The following FGD4 variants were observed in gnomAD, a reference collection of about 807,000 sequenced individuals.
FGD4 encodes the protein FYVE, RhoGEF and PH domain containing 4.
Under a neutral mutation model 102.0 loss-of-function variants are expected in FGD4, and 42 were observed. That is an observed-to-expected ratio of 0.41 (90% CI 0.32 to 0.53). FGD4 has a LOEUF of 0.53. FGD4 is among the 20% of genes least tolerant of loss of function. The pLI is 0.21. For missense variants in FGD4, 902 were observed against 1,078.2 expected, an observed-to-expected ratio of 0.84 and a Z score of 2.29; for synonymous variants, 380 against 375.7, an observed-to-expected ratio of 1.01 and a Z score of -0.13.
chr12:32,538,308 T>C (rs548533135), intron 1 of FGD4, among the ~76,000 whole-genome samples: 53 of 152,346 alleles, frequency 3.5e-4, no homozygotes, highest in African/African-American at 1.3e-3. Flanking sequence ...CTGGGTGCTT[T>C]GTTAATATTT....
At chr12:32,605,848 T>C (rs1385959491) in intron 7 of FGD4, among the ~76,000 whole-genome samples, 2 of 152,244 alleles carry the variant, frequency 1.3e-5, no homozygotes, top group Admixed American at 1.3e-4. Flanking sequence ...TTGCTTAGCG[T>C]AGTGCTTGTT....
At chr12:32,567,093 C>T (rs749126184) in intron 2 of FGD4, among the ~76,000 whole-genome samples, 3 of 152,208 alleles carry the variant, frequency 2.0e-5, no homozygotes, top group Non-Finnish European at 4.4e-5. Context: ...GCAACCTTGG[C>T]ACTGGCATTA....
At chr12:32,563,232 T>C (rs1295070526) in intron 1 of FGD4, among the ~76,000 whole-genome samples, 8 of 149,856 alleles carry the variant, frequency 5.3e-5, no homozygotes, top group Admixed American at 5.3e-4. Flanking sequence ...GAGGGGCTCC[T>C]CACTTCTCAG....
At chr12:32,571,392 T>C (rs1478981616) in intron 2 of FGD4, among the ~76,000 whole-genome samples, 2 of 151,830 alleles carry the variant, frequency 1.3e-5, no homozygotes, top group African/African-American at 4.8e-5. Flanking sequence ...AAGGCGGAGG[T>C]TGCAGTGAGC....
chr12:32,435,767 G>T (rs995007638), intron 1 of FGD4, among the ~76,000 whole-genome samples: 2 of 152,110 alleles, frequency 1.3e-5, no homozygotes, highest in Non-Finnish European at 2.9e-5. Flanking sequence ...TACATAAAAT[G>T]GTCCATCTAG....
intron 2 of FGD4, among the ~76,000 whole-genome samples, chr12:32,567,609 T>TA (rs1014175773): frequency 6.4e-4 from 97 of 151,670 alleles, no homozygotes; most frequent in African/African-American, 2.3e-3. Context: ...CTCACCTAGA[T>TA]AAAAATAAGC....
chr12:32,413,689 A>T (rs1941293371), intron 1 of FGD4, among the ~76,000 whole-genome samples: 1 of 152,112 alleles, frequency 6.6e-6, no homozygotes, highest in African/African-American at 2.4e-5. Flanking sequence ...GTCTCCCTAA[A>T]ATGTATAAAA....
intron 4 of FGD4, among the ~76,000 whole-genome samples, chr12:32,586,276 A>G (rs1947023744): frequency 6.6e-6 from 1 of 152,226 alleles, no homozygotes; most frequent in South Asian, 2.1e-4. Context: ...TTAAGTTGCT[A>G]AAAGTTTACA....
At chr12:32,537,029 C>A (rs184162953) in intron 1 of FGD4, among the ~76,000 whole-genome samples, 1 of 152,070 alleles carries the variant, frequency 6.6e-6, no homozygotes, top group African/African-American at 2.4e-5. Flanking sequence ...CTGCCTCAGC[C>A]TCCCGAGTAG....
chr12:32,461,274 T>C (rs1185477505), intron 1 of FGD4, among the ~76,000 whole-genome samples: 1 of 152,244 alleles, frequency 6.6e-6, no homozygotes, highest in Non-Finnish European at 1.5e-5. Context: ...TACAAAATTT[T>C]CTGATTTTTC....
At chr12:32,486,408 T>G (rs1326562474) in intron 1 of FGD4, among the ~76,000 whole-genome samples, 1 of 152,246 alleles carries the variant, frequency 6.6e-6, no homozygotes, top group Non-Finnish European at 1.5e-5. Flanking sequence ...TTTCTCCCTG[T>G]GAGTTCATAG....
intron 1 of FGD4, among the ~76,000 whole-genome samples, chr12:32,486,680 G>A (rs1057228471): frequency 6.6e-6 from 1 of 152,122 alleles, no homozygotes; most frequent in Non-Finnish European, 1.5e-5. Flanking sequence ...TAATTCTCAG[G>A]TTTAAGGATT....
intron 1 of FGD4, among the ~76,000 whole-genome samples, chr12:32,507,618 C>T (rs1938913558): frequency 6.6e-6 from 1 of 152,172 alleles, no homozygotes; most frequent in South Asian, 2.1e-4. Context: ...TTCAAAGTCA[C>T]AGTTTATTGG....
intron 10 of FGD4, among the ~76,000 whole-genome samples, chr12:32,617,364 C>T (rs1344180731): frequency 1.3e-5 from 2 of 152,092 alleles, no homozygotes; most frequent in Admixed American, 6.6e-5. Context: ...GAACACAGAA[C>T]GAGCACTAGA....
chr12:32,630,035 G>A (rs1329546490), intron 14 of FGD4, among the ~76,000 whole-genome samples: 2 of 152,064 alleles, frequency 1.3e-5, no homozygotes, highest in African/African-American at 2.4e-5. Flanking sequence ...CAGCTCTCCC[G>A]TGTCCTCCAG....
intron 1 of FGD4, among the ~76,000 whole-genome samples, chr12:32,445,997 C>T (rs1942600291): frequency 6.6e-6 from 1 of 152,082 alleles, no homozygotes; most frequent in Non-Finnish European, 1.5e-5. Context: ...GAAACCCCGT[C>T]TCTACTAAAA....
chr12:32,525,236 AAG>A (rs991512428), intron 1 of FGD4, among the ~76,000 whole-genome samples: 1 of 152,202 alleles, frequency 6.6e-6, no homozygotes, highest in African/African-American at 2.4e-5. Context: ...AAGGAGGGCA[AAG>A]AGAGAGATTA....
Position 32,399,729 on chromosome 12 carries a change from C to G in FGD4, c.-65C>G. 6.6e-7 allele frequency: 1 copy of G among 1,510,378 alleles called. No individual in the cohort carries two copies. The highest frequency in any genetic ancestry group is 8.8e-7 in the Non-Finnish European group (1 of 1,137,412). The allele number at this position is 1,510,378 out of a possible 1,614,324, so 93.6% of individuals were successfully genotyped here. A position where few individuals can be genotyped will look rare whatever the true frequency, so the allele number is the denominator to read the frequency against. ...AACCTGGGCATGCAGGCGACGCCCCCCAGGGGCCGCTCGCGGCTGGACGGG... is the reference window on the plus strand; with the variant it reads ...AACCTGGGCATGCAGGCGACGCCCCGCAGGGGCCGCTCGCGGCTGGACGGG... On this transcript the variant is annotated 5_prime_UTR_variant, in exon 1 of 17. Transcript: ENST00000534526.
At chr12:32,633,756 C>T (rs1243067831) in intron 15 of FGD4, 67 bp downstream of exon 15, 4 of 1,442,482 alleles carry the variant, frequency 2.8e-6, no homozygotes, top group Admixed American at 1.8e-5. Context: ...CGCTCTGTCA[C>T]CCAGGCTGAG....
Sources: gnomAD v4.1 joint callset for allele counts (sites outside exome capture counted in the v4.1 genomes callset) on GRCh38, gnomAD v4.1.1 for gene constraint, MANE v1.5 for transcripts, NCBI Gene and HGNC (gene_info 2026-07-23, HGNC 2026-07-21) for gene names.